Variants in CAMTA1 observed in about 807,000 individuals in gnomAD.
The protein encoded by CAMTA1 is calmodulin-binding transcription activator 1.
In CAMTA1, 27 loss-of-function variants were observed where a neutral mutation model predicts 170.9. The ratio of observed to expected loss-of-function variants is 0.16; its 90% CI spans 0.12 to 0.22. The LOEUF (loss-of-function observed/expected upper bound fraction) is 0.22, where lower values mean the gene tolerates loss of function less well. CAMTA1 is among the 10% of genes least tolerant of loss of function. The probability of loss-of-function intolerance (pLI) is 1.00; values close to 1 mark genes in which losing one functional copy is unlikely to be tolerated. For missense variants in CAMTA1, 1,619 were observed against 2,217.2 expected, an observed-to-expected ratio of 0.73 and a Z score of 5.42; for synonymous variants, 833 against 891.5, an observed-to-expected ratio of 0.93 and a Z score of 1.17.
chr1:7,737,647 TC>T, intron 15 of CAMTA1, 77 bp downstream of exon 15: 1 of 1,324,096 alleles, frequency 7.6e-7, no homozygotes, highest in Non-Finnish European at 1.0e-6. Context: ...CTCAGCAGAG[TC>T]CATAGGATAG....
At chr1:7,049,306 C>T (rs767533064) in intron 3 of CAMTA1, among the ~76,000 whole-genome samples, 15 of 152,142 alleles carry the variant, frequency 9.9e-5, no homozygotes, top group East Asian at 3.9e-4. Context: ...GAGGGGGCAG[C>T]GTCAAGGCCA....
intron 5 of CAMTA1, among the ~76,000 whole-genome samples, chr1:7,250,309 T>C (rs1452356420): frequency 6.6e-6 from 1 of 152,182 alleles, no homozygotes; most frequent in Non-Finnish European, 1.5e-5. Flanking sequence ...GCCTGAGCCA[T>C]GTGTCACAGC....
chr1:7,092,070 A>G lies in CAMTA1; in HGVS notation c.302+699A>G, dbSNP rs1189309265. ...TTTTATTTTTGGAATGTTACAATCT[A>G]GAGCTTCGGAAATACATGGCCACTC... On this transcript the variant is annotated intron_variant, in intron 4 of 22. Transcript: ENST00000303635. The surrounding 1 kb of genome is among the most constrained non-coding windows in gnomAD (Gnocchi z 5.0). 6.6e-6 allele frequency among the ~76,000 whole-genome samples: 1 copy of G among 152,254 alleles called. No homozygotes were observed. The highest frequency in any genetic ancestry group is 1.5e-5 in the Non-Finnish European group (1 of 68,050).
intron 4 of CAMTA1, among the ~76,000 whole-genome samples, chr1:7,127,782 A>G (rs1438403262): frequency 1.3e-5 from 2 of 152,236 alleles, no homozygotes; most frequent in African/African-American, 4.8e-5. Flanking sequence ...CAAGGGTGAC[A>G]TGCAGGAAAC....
intron 5 of CAMTA1, among the ~76,000 whole-genome samples, chr1:7,257,427 C>T (rs1667576918): frequency 3.3e-5 from 5 of 152,160 alleles, no homozygotes; most frequent in African/African-American, 1.2e-4. Context: ...GCAATTTGAT[C>T]CAAGAGCTGT....
chr1:7,440,222 C>T (rs949900815), intron 5 of CAMTA1, among the ~76,000 whole-genome samples: 4 of 152,274 alleles, frequency 2.6e-5, no homozygotes, highest in African/African-American at 9.6e-5. Flanking sequence ...TTGTCCACTT[C>T]ATGGCATGGG....
intron 6 of CAMTA1, among the ~76,000 whole-genome samples, chr1:7,619,148 C>T (rs559560478): frequency 2.2e-4 from 33 of 152,306 alleles, no homozygotes; most frequent in African/African-American, 7.7e-4. Flanking sequence ...GGAGGAAAAC[C>T]ACAGTCCAAC....
rs1214945147 is a variant in CAMTA1, at chr1:7,135,195, C to T, written c.302+43824C>T. Among the ~76,000 whole-genome samples, 12 of 151,786 alleles carry T rather than the reference C, an allele frequency of 7.9e-5. No homozygotes were observed. In the South Asian group the frequency reaches 1.0e-3, roughly 13 times the overall value. On this transcript the variant is annotated intron_variant, in intron 4 of 22. Transcript: ENST00000303635. ...TGAGGTCAGGAGTTTGAGACCAGCC[C>T]GGCCATCATGGTGAAACCCTGTCTC... is the stretch of plus-strand genomic sequence containing the variant.
At chr1:6,824,747 C>T (rs1646918346) in intron 2 of CAMTA1, among the ~76,000 whole-genome samples, 1 of 151,962 alleles carries the variant, frequency 6.6e-6, no homozygotes, top group Non-Finnish European at 1.5e-5. Flanking sequence ...GATTTTTGGG[C>T]TTTGTGAGGT....
intron 6 of CAMTA1, among the ~76,000 whole-genome samples, chr1:7,639,891 C>G (rs535809031): frequency 7.6e-4 from 115 of 152,310 alleles, no homozygotes; most frequent in Admixed American, 2.0e-3. Flanking sequence ...GCTCCTTTTC[C>G]CCTTGGGGAG....
intron 3 of CAMTA1, among the ~76,000 whole-genome samples, chr1:6,896,580 AC>A (rs1316344346): frequency 4.6e-5 from 7 of 152,082 alleles, no homozygotes; most frequent in Admixed American, 4.6e-4. Flanking sequence ...TTAGTTTTCC[AC>A]CTGGCAACAT....
intron 5 of CAMTA1, among the ~76,000 whole-genome samples, chr1:7,415,510 G>A (rs1330133315): frequency 3.3e-5 from 5 of 152,082 alleles, no homozygotes; most frequent in Admixed American, 3.3e-4. Flanking sequence ...TTACCATTAT[G>A]TAATGGCCTT....
rs556897394 is a variant in CAMTA1, at chr1:7,265,322, T to A, written c.438+15696T>A. 1.6e-4 allele frequency among the ~76,000 whole-genome samples: 24 copies of A among 152,254 alleles called. 1 individual carries two copies. In the South Asian group the frequency reaches 2.1e-3, roughly 13 times the overall value. On this transcript the variant is annotated intron_variant, in intron 5 of 22. Coordinates refer to ENST00000303635, the MANE Select transcript of CAMTA1 (RefSeq NM_015215.4). The stretch of plus-strand genomic sequence containing the variant: ...ATTTTAGCTTTTTAATTTTTTTTTT[T>A]ATTTGAGACAGAGTCTCATCTCACT...
chr1:6,987,732 G>A (rs1428858104), intron 3 of CAMTA1, among the ~76,000 whole-genome samples: 2 of 152,174 alleles, frequency 1.3e-5, no homozygotes, highest in South Asian at 4.1e-4. Context: ...GATGCAATGT[G>A]GGAGGCACAG....
At chr1:6,929,177 T>TGTTTC (rs1196763704) in intron 3 of CAMTA1, among the ~76,000 whole-genome samples, 1 of 152,192 alleles carries the variant, frequency 6.6e-6, no homozygotes, top group Non-Finnish European at 1.5e-5. Context: ...CTTTTTGTTT[T>TGTTTC]GTTTCGTTTC....
At chr1:6,989,208 G>A (rs1695905167) in intron 3 of CAMTA1, among the ~76,000 whole-genome samples, 1 of 152,232 alleles carries the variant, frequency 6.6e-6, no homozygotes, top group East Asian at 1.9e-4. Flanking sequence ...TTCCATGGAA[G>A]GGGGTTAGGG....
At chr1:7,597,702 T>C (rs1273840102) in intron 6 of CAMTA1, among the ~76,000 whole-genome samples, 1 of 152,154 alleles carries the variant, frequency 6.6e-6, no homozygotes, top group Non-Finnish European at 1.5e-5. Context: ...CTGGTGGAAT[T>C]GCTTCTTTCT....
At chr1:7,241,979 T>C (rs964960146) in intron 4 of CAMTA1, among the ~76,000 whole-genome samples, 4 of 145,060 alleles carry the variant, frequency 2.8e-5, no homozygotes, top group Non-Finnish European at 6.0e-5. Flanking sequence ...TTTACTCTTT[T>C]AAAGAAACCA....
intron 3 of CAMTA1, among the ~76,000 whole-genome samples, chr1:6,909,597 A>G (rs1414434071): frequency 6.6e-6 from 1 of 152,214 alleles, no homozygotes; most frequent in Non-Finnish European, 1.5e-5. Context: ...GGATTGGCGC[A>G]GCCCATGGGG....
Sources: allele counts gnomAD v4.1 joint callset (sites outside exome capture counted in the v4.1 genomes callset), GRCh38; gene constraint gnomAD v4.1.1; non-coding constraint Gnocchi (gnomAD v3.1); transcripts MANE v1.5; gene names NCBI Gene and HGNC (gene_info 2026-07-23, HGNC 2026-07-21).